The following CLDN14 variants were observed in gnomAD, a reference collection of about 807,000 sequenced individuals.
CLDN14 encodes claudin-14.
A neutral mutation model predicts 2.1 loss-of-function variants in CLDN14; 2 were observed. The ratio of observed to expected loss-of-function variants is 0.96; its 90% confidence interval spans 0.39 to 3.01. The LOEUF is 3.01. CLDN14 is among the 30% of genes most tolerant of loss of function. The probability of loss-of-function intolerance (pLI) is 0.09; values close to 1 mark genes in which losing one functional copy is unlikely to be tolerated. For synonymous variants in CLDN14, 136 were observed against 154.4 expected (o/e 0.88, Z 0.88); for missense variants, 298 against 328.0 (o/e 0.91, Z 0.71).
intron 1 of CLDN14, among the ~76,000 whole-genome samples, chr21:36,477,034 G>A (rs2086788060): frequency 6.6e-6 from 1 of 152,192 alleles, no homozygotes; most frequent in African/African-American, 2.4e-5. Flanking sequence ...GGCCCTGTAG[G>A]TTACCTTTGC....
chr21:36,529,378 T>G (rs904502363), intron 1 of CLDN14, among the ~76,000 whole-genome samples: 2 of 152,034 alleles, frequency 1.3e-5, no homozygotes, highest in Non-Finnish European at 2.9e-5. Context: ...AACCTCCACC[T>G]CCCGAGTTCA....
intron 1 of CLDN14, among the ~76,000 whole-genome samples, chr21:36,546,505 A>C (rs569829821): frequency 3.6e-4 from 55 of 152,284 alleles, no homozygotes; most frequent in Non-Finnish European, 5.3e-4. Flanking sequence ...CCCTAGCAAA[A>C]ATGTGCACGG....
At chr21:36,562,314 G>T (rs2087641777) in intron 1 of CLDN14, among the ~76,000 whole-genome samples, 1 of 152,156 alleles carries the variant, frequency 6.6e-6, no homozygotes, top group African/African-American at 2.4e-5. Flanking sequence ...GCAGATTTGA[G>T]TCACCAGGAG....
Position 36,486,306 on chromosome 21 carries a change from C to T in CLDN14, c.-82+24057G>A, listed in dbSNP as rs140783451. On this transcript the variant is annotated intron_variant, in intron 2 of 2. Coordinates refer to the CLDN14 transcript ENST00000342108. ...TCCGGTATGGCCAAACTCTTGTTGG[C>T]TAATGGTCATCTTCAGCAGGACCTC... 880 of 803,536 alleles carry T rather than the reference C, an allele frequency of 1.1e-3. 9 individuals are homozygous for T. The Admixed American group carries it at 0.016, about 14-fold the overall frequency. 49.8% of individuals were successfully genotyped at this position (803,536 alleles called of 1,614,324 possible). A position where few individuals can be genotyped will look rare whatever the true frequency, so the allele number is the denominator to read the frequency against.
chr21:36,529,660 T>C (rs1219838549), intron 1 of CLDN14, among the ~76,000 whole-genome samples: 1 of 152,214 alleles, frequency 6.6e-6, no homozygotes, highest in Non-Finnish European at 1.5e-5. Flanking sequence ...TGAACCACTA[T>C]GGAAATTTTT....
chr21:36,569,341 G>A (rs111996209), intron 1 of CLDN14, among the ~76,000 whole-genome samples: 1,921 of 152,072 alleles, frequency 0.013, 41 homozygotes, highest in African/African-American at 0.044. Flanking sequence ...GCTTGAACCC[G>A]GGAGGCAAAG....
In CLDN14 at chr21:36,498,942, TA is replaced by T. The variant is rs574751199; in HGVS notation, c.-82+11420del. The stretch of plus-strand genomic sequence containing the variant: ...GTTCGCTCAGCAAGGGTACTTTTTG[TA>T]ATTCAGCCACCCAGATGGGAGTGTC... On this transcript the variant is annotated intron_variant, in intron 2 of 2. Transcript: ENST00000342108. The surrounding 1 kb of genome is among the most constrained non-coding windows in gnomAD (Gnocchi z 4.9). Among the ~76,000 whole-genome samples the T allele has an allele frequency of 1.0e-3, 155 of 152,292 alleles. No individual in the cohort carries two copies. Among genetic ancestry groups the T allele is most frequent in the African/African-American group, 3.3e-3 (138 of 41,574 alleles).
chr21:36,576,340 GT>G (rs2087741574), intron 1 of CLDN14: 1 of 152,056 alleles, frequency 6.6e-6, no homozygotes, highest in Non-Finnish European at 1.5e-5. Flanking sequence ...ACCTTCCATG[GT>G]TGGCAGAAAC....
intron 1 of CLDN14, among the ~76,000 whole-genome samples, chr21:36,463,316 G>GCTT (rs1056865366): frequency 6.6e-6 from 1 of 152,248 alleles, no homozygotes; most frequent in Non-Finnish European, 1.5e-5. Flanking sequence ...GGCAAAACCT[G>GCTT]CTTCTTCTTC....
At chr21:36,518,717 GA>G (rs2087247490) in intron 1 of CLDN14, among the ~76,000 whole-genome samples, 1 of 152,168 alleles carries the variant, frequency 6.6e-6, no homozygotes, top group African/African-American at 2.4e-5. Context: ...GACCCATTTG[GA>G]AGATGCTATT....
chr21:36,486,849 C>A (rs2086903009), intron 2 of CLDN14: 4 of 728,140 alleles, frequency 5.5e-6, no homozygotes, highest in South Asian at 4.2e-5. Context: ...AGAAGGTGAT[C>A]TTGCCCTTGG....
At chr21:36,554,115 C>A (rs2087581833) in intron 1 of CLDN14, among the ~76,000 whole-genome samples, 1 of 152,128 alleles carries the variant, frequency 6.6e-6, no homozygotes, top group South Asian at 2.1e-4. Context: ...CAGTAAGCCA[C>A]CCTTTACTGA....
intron 2 of CLDN14, among the ~76,000 whole-genome samples, chr21:36,491,095 G>T (rs941139407): frequency 6.6e-6 from 1 of 152,052 alleles, no homozygotes; most frequent in Non-Finnish European, 1.5e-5. Context: ...CGTTAACTTG[G>T]GGGGCTGCAT....
intron 1 of CLDN14, among the ~76,000 whole-genome samples, chr21:36,522,605 T>C (rs1195481817): frequency 6.6e-6 from 1 of 152,214 alleles, no homozygotes; most frequent in Non-Finnish European, 1.5e-5. Context: ...GAGAACAGGA[T>C]GCAGATGCGC....
At chr21:36,562,054 A>G (rs372213) in intron 1 of CLDN14, among the ~76,000 whole-genome samples, 113,460 of 152,092 alleles carry the variant, frequency 0.75, 43,912 homozygotes, top group Non-Finnish European at 0.87. Context: ...TATTCCTAAG[A>G]TCCTTGGTGC....
At chr21:36,539,833 AGTGAGT>A (rs1348359489) in intron 1 of CLDN14, among the ~76,000 whole-genome samples, 5 of 140,526 alleles carry the variant, frequency 3.6e-5, no homozygotes, top group East Asian at 4.4e-4. Context: ...ATGTCTGCAG[AGTGAGT>A]GTGTGTGCAG....
At chr21:36,575,477 G>A (rs1167474141) in intron 1 of CLDN14, among the ~76,000 whole-genome samples, 1 of 152,164 alleles carries the variant, frequency 6.6e-6, no homozygotes, top group Non-Finnish European at 1.5e-5. Flanking sequence ...GTCAGGGTTA[G>A]GGTTTTGACT....
chr21:36,472,671 G>A (rs1021279200), intron 1 of CLDN14, among the ~76,000 whole-genome samples: 3 of 152,196 alleles, frequency 2.0e-5, no homozygotes, highest in Non-Finnish European at 4.4e-5. Flanking sequence ...GCTGGATTAA[G>A]CCACAGAAAT....
At chr21:36,523,781 G>GAGAGAGAGAGAGAA (rs1568868851) in intron 1 of CLDN14, among the ~76,000 whole-genome samples, 1 of 38,344 alleles carries the variant, frequency 2.6e-5, no homozygotes, top group African/African-American at 7.3e-5. Flanking sequence ...GAGAGAAAGA[G>GAGAGAGAGAGAGAA]AGAAAGAAAG....
Sources: gnomAD v4.1 joint callset for allele counts (sites outside exome capture counted in the v4.1 genomes callset) on GRCh38, gnomAD v4.1.1 for gene constraint, Gnocchi (gnomAD v3.1) non-coding constraint, MANE v1.5 for transcripts, NCBI Gene and HGNC (gene_info 2026-07-23, HGNC 2026-07-21) for gene names.